LMNB1: variants seen among roughly 807,000 people sequenced by gnomAD.
The protein encoded by LMNB1 is lamin-B1.
Under a neutral mutation model 67.1 loss-of-function variants are expected in LMNB1, and 23 were observed. The observed-to-expected ratio is 0.34, with a 90% confidence interval of 0.25 to 0.49. The LOEUF is 0.49. LMNB1 is among the 20% of genes least tolerant of loss of function. The pLI is 0.99. For synonymous variants in LMNB1, 281 were observed against 282.9 expected (o/e 0.99, Z 0.07); for missense variants, 634 against 746.5 (o/e 0.85, Z 1.76).
Position 126,777,330 on chromosome 5 carries a change from T to G in LMNB1, c.-179T>G. 3.5e-6 allele frequency: 2 copies of G among 565,378 alleles called. No individual in the cohort carries two copies. The highest frequency in any genetic ancestry group is 5.2e-6 in the Non-Finnish European group (2 of 383,218). 35.0% of individuals were successfully genotyped at this position (565,378 alleles called of 1,614,324 possible). A position where few individuals can be genotyped will look rare whatever the true frequency, so the allele number is the denominator to read the frequency against. On this transcript the variant is annotated 5_prime_UTR_variant, in exon 1 of 11. Transcript: ENST00000261366. ...GTTCCCCCCCGCGCGCCTTTGCCCT[T>G]TGTGCTGTAATCGAGCTCCCGCCAT...
chr5:126,825,801 A>G (rs941156901), intron 8 of LMNB1, among the ~76,000 whole-genome samples, 187 bp from the exon 9 acceptor site: 3 of 152,054 alleles, frequency 2.0e-5, no homozygotes, highest in Admixed American at 6.6e-5. Flanking sequence ...CACTTATCAG[A>G]TGGGGAAGCT....
chr5:126,822,736 C>A (rs1203330795), intron 7 of LMNB1, 45 bp from the exon 8 acceptor site: 1 of 1,176,908 alleles, frequency 8.5e-7, no homozygotes, highest in Admixed American at 1.9e-5. Context: ...CCACAACTTT[C>A]TTTATCTTTG....
At chr5:126,810,406 C>G (rs918787198) in intron 4 of LMNB1, 56 bp downstream of exon 4, 6 of 1,309,152 alleles carry the variant, frequency 4.6e-6, no homozygotes, top group Non-Finnish European at 6.4e-6. Context: ...TTCACAATTC[C>G]CATGATGAAC....
chr5:126,813,517 T>G (rs1314062019), intron 5 of LMNB1, among the ~76,000 whole-genome samples: 3 of 152,224 alleles, frequency 2.0e-5, no homozygotes, highest in Non-Finnish European at 4.4e-5. Flanking sequence ...CTTAGTCCTT[T>G]TGGGCTGCTA....
At chr5:126,822,722 T>G (rs1358883702) in intron 7 of LMNB1, 59 bp from the exon 8 acceptor site, 1 of 1,022,434 alleles carries the variant, frequency 9.8e-7, no homozygotes, top group Non-Finnish European at 1.5e-6. Context: ...TTTATTTGAT[T>G]ATTCCACAAC....
chr5:126,824,357 A>G (rs1312898805), intron 8 of LMNB1, among the ~76,000 whole-genome samples: 1 of 152,210 alleles, frequency 6.6e-6, no homozygotes, highest in Non-Finnish European at 1.5e-5. Context: ...TTAACATGTA[A>G]TCAGTCTAAA....
At chr5:126,795,068 T>C (rs17532839) in intron 1 of LMNB1, among the ~76,000 whole-genome samples, 12,348 of 152,008 alleles carry the variant, frequency 0.081, 571 homozygotes, top group Non-Finnish European at 0.11. Flanking sequence ...GTTCCCTGTT[T>C]AAGTGGACAA....
At chr5:126,821,287 TA>T (rs1257185562) in intron 7 of LMNB1, 152 bp downstream of exon 7, 3 of 592,758 alleles carry the variant, frequency 5.1e-6, no homozygotes, top group Non-Finnish European at 8.9e-6. Flanking sequence ...TAAAATAAAA[TA>T]AAAATTAAAA....
Position 126,804,771 on chromosome 5 carries a change from TC to T in LMNB1, c.360-3del. 1 of 1,613,298 alleles carries T rather than the reference TC, an allele frequency of 6.2e-7. No individual in the cohort carries two copies. The highest frequency in any genetic ancestry group is 8.5e-7 in the Non-Finnish European group (1 of 1,179,626). ...GATGTCTTATGCTTTTTAAATCTGT[TC>T]CAGCTATGCTAAGAAGGAATCTGAT... is the stretch of plus-strand genomic sequence containing the variant. On this transcript the variant is annotated splice_polypyrimidine_tract_variant and splice_region_variant and intron_variant, in intron 1 of 10. Transcript: ENST00000261366.
At chr5:126,805,299 A>G (rs897593365) in intron 2 of LMNB1, among the ~76,000 whole-genome samples, 1 of 152,206 alleles carries the variant, frequency 6.6e-6, no homozygotes, top group African/African-American at 2.4e-5. Context: ...TAAAATAACT[A>G]GTTTGATTTT....
At chr5:126,834,832 C>T (rs969552697) in intron 10 of LMNB1, among the ~76,000 whole-genome samples, 4 of 152,116 alleles carry the variant, frequency 2.6e-5, no homozygotes, top group Non-Finnish European at 5.9e-5. Context: ...GCTGAGATGG[C>T]GCCACTGCAC....
intron 6 of LMNB1, 56 bp from the exon 7 acceptor site, chr5:126,820,854 A>G: frequency 1.6e-6 from 2 of 1,219,896 alleles, no homozygotes; most frequent in Non-Finnish European, 2.3e-6. Context: ...TTTTTTTTTT[A>G]AGGCGAGAAG....
intron 6 of LMNB1, among the ~76,000 whole-genome samples, chr5:126,819,931 G>T (rs371932555): frequency 1.3e-5 from 2 of 152,314 alleles, no homozygotes; most frequent in East Asian, 3.9e-4. Context: ...GATCACATGA[G>T]GTCAGGAGTT....
chr5:126,820,309 G>A (rs1311196031), intron 6 of LMNB1, among the ~76,000 whole-genome samples: 2 of 152,148 alleles, frequency 1.3e-5, no homozygotes, highest in Non-Finnish European at 2.9e-5. Flanking sequence ...GGTGGTGGTA[G>A]ATCAGATGAC....
At chr5:126,800,982 A>ATATAATTTTTTTTT in intron 1 of LMNB1, among the ~76,000 whole-genome samples, 525 of 18,408 alleles carry the variant, frequency 0.029, 13 homozygotes, top group Middle Eastern at 0.056. Flanking sequence ...TATATATATA[A>ATATAATTTTTTTTT]TTTTTTTTTT....
intron 5 of LMNB1, among the ~76,000 whole-genome samples, chr5:126,813,670 A>G (rs542117527): frequency 2.4e-4 from 37 of 152,312 alleles, no homozygotes; most frequent in African/African-American, 8.9e-4. Context: ...CCCGATTTAT[A>G]GATGGTGCCT....
chr5:126,820,829 T>G, intron 6 of LMNB1, 81 bp from the exon 7 acceptor site: 5 of 1,078,824 alleles, frequency 4.6e-6, no homozygotes, highest in Non-Finnish European at 6.6e-6. Flanking sequence ...TGCCCAGCCC[T>G]TGTTTTTTTG....
At chr5:126,789,697 C>T (rs1168974725) in intron 1 of LMNB1, among the ~76,000 whole-genome samples, 3 of 151,908 alleles carry the variant, frequency 2.0e-5, no homozygotes, top group South Asian at 2.1e-4. Context: ...TTTTTGAGGA[C>T]GAGACTTGCT....
chr5:126,782,421 A>G lies in LMNB1; in HGVS notation c.359+4554A>G, dbSNP rs1280916487. Among the ~76,000 whole-genome samples, 6 of 152,270 alleles carry G rather than the reference A, an allele frequency of 3.9e-5. No homozygotes were observed. The East Asian group carries it at 9.6e-4, about 24-fold the overall frequency. On this transcript the variant is annotated intron_variant, in intron 1 of 10. Coordinates refer to ENST00000261366, the MANE Select transcript of LMNB1 (RefSeq NM_005573.4). The stretch of plus-strand genomic sequence containing the variant: ...ACATTTCTGAGGGAAAGATATTGTC[A>G]TGGCAAGTGGAGAAAGACAGATTGA...
Sources: allele counts gnomAD v4.1 joint callset (sites outside exome capture counted in the v4.1 genomes callset), GRCh38; gene constraint gnomAD v4.1.1; transcripts MANE v1.5; gene names NCBI Gene and HGNC (gene_info 2026-07-23, HGNC 2026-07-21).